The following FRMD6 variants were observed in gnomAD, a reference collection of about 807,000 sequenced individuals.
FRMD6 encodes the protein FERM domain-containing protein 6.
In FRMD6, 37 loss-of-function variants were observed where a neutral mutation model predicts 73.2. The observed-to-expected ratio is 0.51, with a 90% confidence interval of 0.39 to 0.66. The LOEUF is 0.66. FRMD6 is among the 30% of genes least tolerant of loss of function. The pLI, the probability that FRMD6 is intolerant of heterozygous loss-of-function variation, is 0.00. For synonymous variants in FRMD6, 273 were observed against 282.2 expected, an observed-to-expected ratio of 0.97 and a Z score of 0.33; for missense variants, 714 against 780.5, an observed-to-expected ratio of 0.91 and a Z score of 1.02.
intron 1 of FRMD6, among the ~76,000 whole-genome samples, chr14:51,566,354 A>G (rs183672696): frequency 3.3e-4 from 51 of 152,344 alleles, no homozygotes; most frequent in African/African-American, 1.2e-3. Flanking sequence ...TGTCCAGAGT[A>G]AAGACCCATA....
At chr14:51,649,085 A>G (rs554509889), upstream of FRMD6, among the ~76,000 whole-genome samples, 1 of 152,328 alleles carries the variant, frequency 6.6e-6, no homozygotes, top group Non-Finnish European at 1.5e-5. Flanking sequence ...GTTTTCTGTG[A>G]TAAGAAATAT....
chr14:51,567,111 CCGGTT>C, intron 1 of FRMD6, among the ~76,000 whole-genome samples: 1 of 152,292 alleles, frequency 6.6e-6, no homozygotes, highest in East Asian at 1.9e-4. Flanking sequence ...CTACTCAGCT[CCGGTT>C]CATGCAGAAA....
chr14:51,518,661 T>C (rs774337534), intron 1 of FRMD6, among the ~76,000 whole-genome samples: 8 of 152,234 alleles, frequency 5.3e-5, no homozygotes, highest in Non-Finnish European at 1.0e-4. Context: ...TTGTGACCTT[T>C]CTCATTTCTG....
intron 1 of FRMD6, among the ~76,000 whole-genome samples, chr14:51,513,642 A>G (rs935546514): frequency 6.6e-6 from 1 of 151,848 alleles, no homozygotes; most frequent in Non-Finnish European, 1.5e-5. Context: ...TTTTTTAACT[A>G]AAGGAGGATT....
the FRMD6 span, among the ~76,000 whole-genome samples, chr14:51,402,927 C>T: frequency 6.6e-6 from 1 of 152,008 alleles, no homozygotes; most frequent in Non-Finnish European, 1.5e-5. Flanking sequence ...CGTGAGCCAC[C>T]GCGCCCAGCT....
rs373945627 is a variant in FRMD6, at chr14:51,577,519, C to T, written c.-147+7109C>T. On this transcript the variant is annotated intron_variant, in intron 2 of 14. Coordinates refer to the FRMD6 transcript ENST00000356218. The stretch of plus-strand genomic sequence containing the variant: ...TGAGTAATTCACAGATTCTTCCATA[C>T]GAAACTCGCGTACAAATAAACACAC... Among the ~76,000 whole-genome samples, 113 of 152,216 alleles carry T rather than the reference C, an allele frequency of 7.4e-4. 2 individuals carry two copies. In the South Asian group the frequency reaches 0.023, roughly 31 times the overall value.
At position 51,704,769 on chromosome 14, in the gene FRMD6, A is replaced by G; in HGVS notation, c.392A>G (p.Tyr131Cys). ...RLISDRAARY[Y>C]YYWHLRKQVL... is the part of the protein sequence containing the mutation. ...TCTAGTGACAGAGCAGCAAGATACT[A>G]TTATTACTGGCACCTGAGAAAACAA... The change falls in exon 6 of 14, where the codon TAT (tyrosine) becomes TGT (cysteine). Residue 131 changes from tyrosine to cysteine, a missense_variant. Tyr to Cys is a radical substitution (Grantham distance 194). Transcript: ENST00000344768. 1 of 1,612,582 alleles carries G rather than the reference A, an allele frequency of 6.2e-7. No individual in the cohort carries two copies. The highest frequency in any genetic ancestry group is 8.5e-7 in the Non-Finnish European group (1 of 1,179,168).
intron 2 of FRMD6, among the ~76,000 whole-genome samples, chr14:51,607,412 A>G (rs7141183): frequency 0.11 from 16,075 of 152,246 alleles, 1,088 homozygotes; most frequent in Non-Finnish European, 0.15. Flanking sequence ...CATGAAGACC[A>G]AAGAAAGAAT....
the FRMD6 span, among the ~76,000 whole-genome samples, chr14:51,469,699 TAAG>T: frequency 6.6e-6 from 1 of 152,024 alleles, no homozygotes; most frequent in Non-Finnish European, 1.5e-5. Context: ...AACATTTTAT[TAAG>T]AATTTTTGTC....
At chr14:51,709,884 T>C (rs553313388) in intron 7 of FRMD6, among the ~76,000 whole-genome samples, 4 of 152,122 alleles carry the variant, frequency 2.6e-5, no homozygotes, top group Non-Finnish European at 5.9e-5. Flanking sequence ...CCTAGGCAAC[T>C]ATAATCCTGA....
At chr14:51,557,472 C>T (rs1473117346) in intron 1 of FRMD6, among the ~76,000 whole-genome samples, 1 of 151,988 alleles carries the variant, frequency 6.6e-6, no homozygotes, top group African/African-American at 2.4e-5. Flanking sequence ...TAGTGGTTAT[C>T]AGGGGCTAGG....
At chr14:51,670,031 A>C (rs1007318971) in intron 1 of FRMD6, among the ~76,000 whole-genome samples, 1 of 149,572 alleles carries the variant, frequency 6.7e-6, no homozygotes, top group Non-Finnish European at 1.5e-5. Context: ...ATTTTTACCG[A>C]AAAAAAAAAG....
intron 1 of FRMD6, among the ~76,000 whole-genome samples, chr14:51,549,963 G>A (rs1566807903): frequency 6.6e-6 from 1 of 152,186 alleles, no homozygotes. Context: ...CCCAGCACAT[G>A]TCCGCTAACC....
At chr14:51,474,639 A>G in the FRMD6 span, among the ~76,000 whole-genome samples, 1 of 152,112 alleles carries the variant, frequency 6.6e-6, no homozygotes, top group Non-Finnish European at 1.5e-5. Context: ...GGTATTTGGG[A>G]TGGCATTGGA....
the FRMD6 span, among the ~76,000 whole-genome samples, chr14:51,433,705 A>G: frequency 6.6e-6 from 1 of 152,226 alleles, no homozygotes; most frequent in East Asian, 1.9e-4. Flanking sequence ...GGGAAATGAG[A>G]ACAGAGTGGT....
chr14:51,599,026 T>A (rs1889873470), intron 2 of FRMD6, among the ~76,000 whole-genome samples: 1 of 150,244 alleles, frequency 6.7e-6, no homozygotes, highest in Admixed American at 6.6e-5. Flanking sequence ...GTATAAGCAT[T>A]CACTTTTCTC....
At chr14:51,592,386 G>C (rs1389931879) in intron 2 of FRMD6, among the ~76,000 whole-genome samples, 1 of 152,248 alleles carries the variant, frequency 6.6e-6, no homozygotes, top group East Asian at 1.9e-4. Flanking sequence ...AAAATTTCTC[G>C]TGTATAGAAA....
chr14:51,405,774 T>G, the FRMD6 span, among the ~76,000 whole-genome samples: 2 of 152,214 alleles, frequency 1.3e-5, no homozygotes, highest in Admixed American at 1.3e-4. Flanking sequence ...TTTCTCCCAT[T>G]CTGTAGGTTG....
chr14:51,718,019 A>G (rs1188226460), intron 10 of FRMD6, among the ~76,000 whole-genome samples: 1 of 152,250 alleles, frequency 6.6e-6, no homozygotes, highest in Non-Finnish European at 1.5e-5. Context: ...GGCTTTTACA[A>G]CAGAGGGAGT....
Sources: gnomAD v4.1 joint callset for allele counts (sites outside exome capture counted in the v4.1 genomes callset) on GRCh38, gnomAD v4.1.1 for gene constraint, MANE v1.5 for transcripts, NCBI Gene and HGNC (gene_info 2026-07-23, HGNC 2026-07-21) for gene names.